N4BP2L1: variants seen among roughly 807,000 people sequenced by gnomAD.
The protein encoded by N4BP2L1 is NEDD4-binding protein 2-like 1.
N4BP2L1 carries 12 observed loss-of-function variants against 21.2 expected under a neutral mutation model. The ratio of observed to expected loss-of-function variants is 0.57; its 90% CI spans 0.36 to 0.92. The LOEUF is 0.92. Among genes scored for constraint, N4BP2L1 ranks in the 40% least tolerant of loss-of-function variants. The pLI is 0.01. For missense variants in N4BP2L1, 259 were observed against 310.6 expected (o/e 0.83, Z 1.25); for synonymous variants, 104 against 112.8 (o/e 0.92, Z 0.49).
intron 4 of N4BP2L1, chr13:32,403,836 C>T: frequency 2.1e-6 from 1 of 479,646 alleles, no homozygotes; most frequent in South Asian, 1.6e-5. Flanking sequence ...AAGTCAATGA[C>T]ATTATCAAAT....
chr13:32,411,730 T>C (rs1299618031), intron 1 of N4BP2L1: 1 of 983,136 alleles, frequency 1.0e-6, no homozygotes, highest in East Asian at 1.1e-4. Flanking sequence ...ACTCAGGGGC[T>C]AATCTTGATT....
At chr13:32,419,136 T>C (rs1055734362) in intron 1 of N4BP2L1, among the ~76,000 whole-genome samples, 1 of 151,816 alleles carries the variant, frequency 6.6e-6, no homozygotes, top group Non-Finnish European at 1.5e-5. Flanking sequence ...ATAGTTCCCA[T>C]AATCCCCACG....
At chr13:32,418,581 C>T (rs188043942) in intron 1 of N4BP2L1, among the ~76,000 whole-genome samples, 1 of 152,188 alleles carries the variant, frequency 6.6e-6, no homozygotes. Flanking sequence ...GCCCACCAGA[C>T]CCCAGAATGG....
intron 1 of N4BP2L1, among the ~76,000 whole-genome samples, chr13:32,416,855 C>T (rs891307528): frequency 5.3e-5 from 8 of 151,866 alleles, no homozygotes; most frequent in Non-Finnish European, 8.8e-5. Flanking sequence ...CTTGCTCTGT[C>T]GCCCAGGCTG....
intron 1 of N4BP2L1, among the ~76,000 whole-genome samples, chr13:32,426,444 G>C (rs206336): frequency 0.43 from 65,773 of 151,918 alleles, 14,482 homozygotes; most frequent in East Asian, 0.68. Context: ...AGCCAGAGAG[G>C]GTCTATTGAA....
rs117515239 is a variant in N4BP2L1 at position 32,415,451 on chromosome 13, A to C, written c.180-7679T>G. ...GTCAAATATGTTCTATGATATCTTT[A>C]TTTGTTGCTTTGGTTGTATTTACTC... On this transcript the variant is annotated intron_variant, in intron 1 of 4. Transcript: ENST00000380130. Among the ~76,000 whole-genome samples, 770 of 151,938 alleles carry C rather than the reference A, an allele frequency of 5.1e-3. 4 individuals carry two copies. Among genetic ancestry groups the C allele is most frequent in the Non-Finnish European group, 8.1e-3 (553 of 67,932 alleles).
At position 32,403,020 on chromosome 13, in the gene N4BP2L1, A is replaced by C. The variant is rs756329726; in HGVS notation, c.654T>G (p.Phe218Leu). ...NARYWNSYTEFPNRRAHGGFT... is the reference protein window; with the variant it reads ...NARYWNSYTELPNRRAHGGFT... ...ATCCACCGTGGGCCCTCCGGTTTGGAAACTCTGTGTAGGAATTCCAGTATC... is the reference window on the plus strand; with the variant it reads ...ATCCACCGTGGGCCCTCCGGTTTGGCAACTCTGTGTAGGAATTCCAGTATC... The change falls in exon 5 of 5, where the codon TTT becomes TTG. Residue 218 changes from phenylalanine (F) to leucine (L), a missense_variant. This residue lies in a region of N4BP2L1 where 108 missense variants were observed against 107.8 expected (regional missense o/e 1.00). Transcript: ENST00000380130. 1 of 1,614,080 alleles carries C rather than the reference A, an allele frequency of 6.2e-7. No individual in the cohort carries two copies. Among genetic ancestry groups the C allele is most frequent in the Non-Finnish European group, 8.5e-7 (1 of 1,180,000 alleles).
chr13:32,421,108 G>A (rs1030765260), intron 1 of N4BP2L1, among the ~76,000 whole-genome samples: 12 of 152,286 alleles, frequency 7.9e-5, no homozygotes, highest in Middle Eastern at 6.8e-3. Context: ...CTCACATTGC[G>A]TTTCATGAAC....
intron 1 of N4BP2L1, among the ~76,000 whole-genome samples, chr13:32,427,623 C>A (rs927735284): frequency 6.6e-6 from 1 of 152,180 alleles, no homozygotes; most frequent in Non-Finnish European, 1.5e-5. Context: ...CCGTCCCCCC[C>A]GGGACAGCGC....
rs756333503 is a variant in N4BP2L1, at chr13:32,427,999, C to T, written c.84G>A (p.Pro28=). The T allele has an allele frequency of 2.6e-6, 4 of 1,556,076 alleles. No individual in the cohort carries two copies. The highest frequency in any genetic ancestry group is 5.0e-5 in the East Asian group (2 of 39,636). The change falls in exon 1 of 5, where the codon CCG becomes CCA. Residue 28 remains proline (P), a synonymous_variant. Coordinates refer to ENST00000380130, the MANE Select transcript of N4BP2L1 (RefSeq NM_052818.3). ...GGCGAGGAGGTGTCCCCCGCGGGGG[C>T]GGCCGGGGCGGCCGCTGCCGCTGCT... ...QQQQRQRPPR[P]PPRGTPPRRH...
intron 1 of N4BP2L1, among the ~76,000 whole-genome samples, chr13:32,417,280 G>A (rs2074202269): frequency 6.6e-6 from 1 of 152,168 alleles, no homozygotes; most frequent in Non-Finnish European, 1.5e-5. Flanking sequence ...ATCCCCATGT[G>A]TCATGGGAGG....
At chr13:32,423,971 A>C (rs1442261818) in intron 1 of N4BP2L1, among the ~76,000 whole-genome samples, 2 of 152,264 alleles carry the variant, frequency 1.3e-5, no homozygotes, top group East Asian at 3.8e-4. Flanking sequence ...CACAGTGGAA[A>C]GCACAGAGGT....
chr13:32,419,105 A>C (rs2074308266), intron 1 of N4BP2L1, among the ~76,000 whole-genome samples: 1 of 152,074 alleles, frequency 6.6e-6, no homozygotes, highest in South Asian at 2.1e-4. Context: ...GGCAGTCCCC[A>C]CCCAAATCTC....
chr13:32,422,976 G>GC (rs1477825639), intron 1 of N4BP2L1, among the ~76,000 whole-genome samples: 1 of 142,988 alleles, frequency 7.0e-6, no homozygotes, highest in African/African-American at 2.7e-5. Flanking sequence ...ATTAATGAGA[G>GC]CCCTGGCCTC....
At position 32,409,733 on chromosome 13, in the gene N4BP2L1, G is replaced by C. The variant is rs547984766; in HGVS notation, c.180-1961C>G. ...GATGCAAGTTTGACTTGGTCCCTGA[G>C]GGATGAGAAAACTGCTGCCTCTTGG... is the stretch of plus-strand genomic sequence containing the variant. On this transcript the variant is annotated intron_variant, in intron 1 of 4. Transcript: ENST00000380130. Among the ~76,000 whole-genome samples the C allele has an allele frequency of 1.8e-4, 27 of 152,258 alleles. 1 individual carries two copies. The South Asian group carries it at 5.2e-3, about 29-fold the overall frequency.
chr13:32,404,112 A>G, intron 4 of N4BP2L1: 2 of 1,562,974 alleles, frequency 1.3e-6, no homozygotes, highest in Non-Finnish European at 1.7e-6. Flanking sequence ...GTCCAAGCCA[A>G]GATTTAGCAT....
chr13:32,428,239 C>A, upstream of N4BP2L1: 1 of 649,964 alleles, frequency 1.5e-6, no homozygotes, highest in Non-Finnish European at 2.3e-6. Context: ...AACCGTGCTG[C>A]GTGGGAGGGG....
intron 1 of N4BP2L1, 152 bp from the exon 2 acceptor site, chr13:32,407,924 T>A (rs2073623705): frequency 1.2e-6 from 1 of 848,660 alleles, no homozygotes; most frequent in African/African-American, 1.7e-5. Context: ...AAGAGAGATG[T>A]TTATTATGTC....
intron 1 of N4BP2L1, 119 bp from the exon 2 acceptor site, chr13:32,407,891 G>C: frequency 8.4e-7 from 1 of 1,197,390 alleles, no homozygotes; most frequent in African/African-American, 1.5e-5. Flanking sequence ...ACCAGGTTTG[G>C]AGTTGTTAAA....
Sources: allele counts gnomAD v4.1 joint callset (sites outside exome capture counted in the v4.1 genomes callset), GRCh38; gene constraint gnomAD v4.1.1; regional missense constraint gnomAD v4.1.1; transcripts MANE v1.5; gene names NCBI Gene and HGNC (gene_info 2026-07-23, HGNC 2026-07-21).